C3: variants seen among roughly 807,000 people sequenced by gnomAD.
The protein encoded by C3 is C3 and PZP-like alpha-2-macroglobulin domain-containing protein 1.
In C3, 97 loss-of-function variants were observed where a neutral mutation model predicts 207.9. The ratio of observed to expected loss-of-function variants is 0.47; its 90% confidence interval spans 0.40 to 0.55. The LOEUF (loss-of-function observed/expected upper bound fraction) is 0.55, where lower values mean the gene tolerates loss of function less well. Among genes scored for constraint, C3 ranks in the 20% least tolerant of loss-of-function variants. The pLI is 0.00. For synonymous variants in C3, 848 were observed against 857.6 expected, an observed-to-expected ratio of 0.99 and a Z score of 0.20; for missense variants, 1,684 against 2,171.7, an observed-to-expected ratio of 0.78 and a Z score of 4.46.
chr19:6,684,495 G>A, intron 32 of C3, 56 bp from the exon 33 acceptor site: 4 of 1,579,442 alleles, frequency 2.5e-6, no homozygotes, highest in Non-Finnish European at 3.5e-6. Context: ...GTTGATTCAG[G>A]AGCGGGGAAG....
At position 6,707,286 on chromosome 19, in the gene C3, G is replaced by C; in HGVS notation, c.2048-13C>G. On this transcript the variant is annotated splice_polypyrimidine_tract_variant and intron_variant, in intron 16 of 40. Coordinates refer to ENST00000245907, the MANE Select transcript of C3 (RefSeq NM_000064.4). ...GGGTACTTGCCGACTGCGGGAGCAC[G>C]TGTTCCCCCAGGCCACACCCTCAGC... 3.2e-6 allele frequency: 5 copies of C among 1,581,856 alleles called. No homozygotes were observed. Among genetic ancestry groups the C allele is most frequent in the Non-Finnish European group, 4.3e-6 (5 of 1,175,474 alleles).
chr19:6,689,356 C>CTCTCTCT (rs1918107969), intron 27 of C3, among the ~76,000 whole-genome samples: 1 of 47,176 alleles, frequency 2.1e-5, no homozygotes, highest in African/African-American at 1.2e-4. Flanking sequence ...TCCCTCCCTC[C>CTCTCTCT]CTCCCTCTCT....
chr19:6,695,533 G>A (rs1967512833), intron 23 of C3, among the ~76,000 whole-genome samples: 1 of 152,096 alleles, frequency 6.6e-6, no homozygotes, highest in Non-Finnish European at 1.5e-5. Flanking sequence ...AGGCTGGAGT[G>A]CAGTGGCCTG....
At position 6,714,309 on chromosome 19, in the gene C3, G is replaced by A. The variant is rs1377049056; in HGVS notation, c.599+43C>T. The A allele has an allele frequency of 6.8e-6, 11 of 1,607,344 alleles. No homozygotes were observed. In the African/African-American group the frequency reaches 1.5e-4, roughly 21 times the overall value. ...CGGAGCCCCCCTGCTCCCTCTCCGG[G>A]GATAGGGGAGCCCTGAGCCCCCTCC... On this transcript the variant is annotated intron_variant, in intron 5 of 40. Coordinates refer to ENST00000245907, the MANE Select transcript of C3 (RefSeq NM_000064.4).
chr19:6,686,335 T>A (rs377163102), intron 28 of C3, 48 bp from the exon 29 acceptor site: 35 of 1,603,678 alleles, frequency 2.2e-5, no homozygotes, highest in African/African-American at 4.0e-5. Context: ...CTGTCCAGCC[T>A]GGGGATGGCT....
chr19:6,697,785 A>T lies in C3; in HGVS notation c.2450T>A (p.Val817Glu), dbSNP rs886054653. 6.2e-7 allele frequency: 1 copy of T among 1,613,054 alleles called. No individual in the cohort carries two copies. Among genetic ancestry groups the T allele is most frequent in the African/African-American group, 1.3e-5 (1 of 74,862 alleles). Residue 817 changes from valine to glutamate, a missense_variant, in exon 20 of 41, where the codon GTG (valine) becomes GAG (glutamate). Physicochemically the swap from Val to Glu is moderately radical, Grantham distance 121. Around this residue, in one of 3 missense-constraint regions of C3, gnomAD observed 1,280 missense variants for 1,739.1 expected, o/e 0.74. Transcript: ENST00000245907. ...TACTGTGACCTCGAAGGGGTCTGCC[A>T]CACAGATCCCTGCTCGGGCAGAGAC... is the stretch of plus-strand genomic sequence containing the variant. ...VSMSDKKGIC[V>E]ADPFEVTVMQ...
In C3 at chr19:6,707,265, A is replaced by T; in HGVS notation, c.2056T>A (p.Tyr686Asn). The change falls in exon 17 of 41, where the codon TAC (tyrosine) becomes AAC (asparagine). Residue 686 changes from tyrosine to asparagine, a missense_variant. This residue lies in a region of C3 where 1,280 missense variants were observed against 1,739.1 expected (regional missense o/e 0.74). Transcript: ENST00000245907. ...CAGCACTTGCGCAGCTCCTTGGGGT[A>T]CTTGCCGACTGCGGGAGCACGTGTT... ...TEKRMDKVGKYPKELRKCCED... is the reference protein window; with the variant it reads ...TEKRMDKVGKNPKELRKCCED... The T allele has an allele frequency of 6.2e-7, 1 of 1,609,350 alleles. No homozygotes were observed. The highest frequency in any genetic ancestry group is 8.5e-7 in the Non-Finnish European group (1 of 1,178,184).
chr19:6,717,588 T>A, intron 4 of C3: 1 of 252,690 alleles, frequency 4.0e-6, no homozygotes, highest in Non-Finnish European at 7.9e-6. Flanking sequence ...GTGTTGTGTG[T>A]GTTGTGTGTT....
In C3 at chr19:6,719,337, G is replaced by A. The variant is rs902858362; in HGVS notation, c.141C>T (p.His47=). The change falls in exon 2 of 41, where the codon CAC becomes CAT. Residue 47 remains histidine, a synonymous_variant. Transcript: ENST00000245907. This position sits in a 1 kb window ranked among gnomAD's most constrained non-coding sequence, Gnocchi z 5.4. ...TGACTGGAACATCCCCTTGCGCGTCGTGGGCCTCCAGCACCATGGTCTCCT... is the reference window on the plus strand; with the variant it reads ...TGACTGGAACATCCCCTTGCGCGTCATGGGCCTCCAGCACCATGGTCTCCT... ...ESEETMVLEA[H]DAQGDVPVTV... 13 of 1,613,910 alleles carry A rather than the reference G, an allele frequency of 8.1e-6. No individual in the cohort carries two copies. Among genetic ancestry groups the A allele is most frequent in the African/African-American group, 6.7e-5 (5 of 74,866 alleles).
In C3 at chr19:6,682,143, T is replaced by A; in HGVS notation, c.4259A>T (p.Gln1420Leu). Residue 1420 changes from glutamine (Q) to leucine (L), a missense_variant and splice_region_variant, in exon 34 of 41, where the codon CAG becomes CTG. Transcript: ENST00000245907. The stretch of plus-strand genomic sequence containing the variant: ...TCCCAGCTCCTGAGCCCTTCATACC[T>A]GCTTCAGGTCATCTGTGTCTGGAGC... Reference protein sequence around the residue: ...GFAPDTDDLKQLANGVDRYIS... With the variant: ...GFAPDTDDLKLLANGVDRYIS... The A allele has an allele frequency of 1.2e-6, 2 of 1,613,638 alleles. No homozygotes were observed. The highest frequency in any genetic ancestry group is 1.7e-6 in the Non-Finnish European group (2 of 1,179,490).
intron 27 of C3, among the ~76,000 whole-genome samples, chr19:6,689,334 TCCCTCCCTCCCTCCCTCCCTCC>T (rs1918100774): frequency 1.1e-4 from 4 of 37,754 alleles, no homozygotes; most frequent in African/African-American, 4.3e-4. Flanking sequence ...CCTACCTCCC[TCCCTCCCTCCCTCCCTCCCTCC>T]CTCCCTCTCT....
At chr19:6,712,051 T>C (rs1216648091) in intron 11 of C3, among the ~76,000 whole-genome samples, 1 of 151,702 alleles carries the variant, frequency 6.6e-6, no homozygotes, top group Admixed American at 6.6e-5. Flanking sequence ...TCTATGCAAA[T>C]GGCAGGACCC....
Position 6,707,809 on chromosome 19 carries a change from G to C in C3, c.1966C>G (p.Gln656Glu). Reference protein sequence around the residue: ...FTSSSGQQTAQRAELQCPQPA... With the variant: ...FTSSSGQQTAERAELQCPQPA... ...CTGGTGGCGACCTCACCTGCCCTCT[G>C]GGCGGTCTGCTGGCCACTGCTGCTC... The change falls in exon 15 of 41, where the codon CAG becomes GAG. Residue 656 changes from glutamine to glutamate, a missense_variant. By Grantham distance (29) the Gln-to-Glu change is conservative (BLOSUM62 2). This residue lies in a region of C3 where 1,280 missense variants were observed against 1,739.1 expected (regional missense o/e 0.74). Coordinates refer to ENST00000245907, the MANE Select transcript of C3 (RefSeq NM_000064.4). 6.2e-7 allele frequency: 1 copy of C among 1,613,608 alleles called. No homozygotes were observed. The highest frequency in any genetic ancestry group is 8.5e-7 in the Non-Finnish European group (1 of 1,179,986).
chr19:6,685,066 G>A lies in C3; in HGVS notation c.3891C>T (p.Ser1297=), dbSNP rs961200494. 3 of 1,613,962 alleles carry A rather than the reference G, an allele frequency of 1.9e-6. No individual in the cohort carries two copies. The highest frequency in any genetic ancestry group is 3.3e-5 in the Admixed American group (2 of 60,000). Reference sequence around the variant, plus strand: ...TGGAGCTGCGGCTGGGCAGTTGGAGGGACACATCAAGGTTCAGTTCCTGGT... The same window carrying A: ...TGGAGCTGCGGCTGGGCAGTTGGAGAGACACATCAAGGTTCAGTTCCTGGT... ...PDHQELNLDV[S]LQLPSRSSKI... Residue 1297 remains serine (S), a synonymous_variant, in exon 30 of 41, where the codon TCC becomes TCT. Transcript: ENST00000245907.
intron 5 of C3, 48 bp from the exon 6 acceptor site, chr19:6,714,296 G>T: frequency 6.2e-7 from 1 of 1,605,724 alleles, no homozygotes; most frequent in East Asian, 2.2e-5. Context: ...GAGCCCCCCT[G>T]CTCCCTCTCC....
At chr19:6,680,314 A>C in intron 35 of C3, 51 bp from the exon 36 acceptor site, 1 of 970,280 alleles carries the variant, frequency 1.0e-6, no homozygotes, top group South Asian at 1.3e-5. Flanking sequence ...GAGGGAGTCC[A>C]GCATTGTCTT....
intron 21 of C3, 31 bp downstream of exon 21, chr19:6,697,313 A>G: frequency 6.5e-7 from 1 of 1,549,122 alleles, no homozygotes; most frequent in Non-Finnish European, 8.9e-7. Flanking sequence ...TCTCTGAAGG[A>G]CAAGGGTTTG....
rs768150354 is a variant in C3 at position 6,709,719 on chromosome 19, C to T, written c.1810G>A (p.Val604Met). ...VLVAVDKGVF[V>M]LNKKNKLTQS... is the part of the protein sequence containing the mutation. Reference sequence around the variant, plus strand: ...GTCAGTTTGTTCTTCTTATTCAGCACGAACACGCCCTTGTCCACGGCCACC... The same window carrying T: ...GTCAGTTTGTTCTTCTTATTCAGCATGAACACGCCCTTGTCCACGGCCACC... The change falls in exon 14 of 41, where the codon GTG (valine) becomes ATG (methionine). Residue 604 changes from valine to methionine, a missense_variant. Physicochemically the swap from Val to Met is conservative, Grantham distance 21. This residue lies in a region of C3 where 1,280 missense variants were observed against 1,739.1 expected (regional missense o/e 0.74). Transcript: ENST00000245907. 24 of 1,613,688 alleles carry T rather than the reference C, an allele frequency of 1.5e-5. No individual in the cohort carries two copies. The South Asian group carries it at 1.8e-4, about 12-fold the overall frequency.
At chr19:6,688,124 G>A (rs143105485) in intron 27 of C3, among the ~76,000 whole-genome samples, 4 of 146,334 alleles carry the variant, frequency 2.7e-5, no homozygotes, top group African/African-American at 7.7e-5. Context: ...GATTACAGGC[G>A]TGAGCCACCG....
Sources: gnomAD v4.1 joint callset for allele counts (sites outside exome capture counted in the v4.1 genomes callset) on GRCh38, gnomAD v4.1.1 for gene constraint, gnomAD v4.1.1 regional missense constraint, Gnocchi (gnomAD v3.1) non-coding constraint, MANE v1.5 for transcripts, NCBI Gene and HGNC (gene_info 2026-07-23, HGNC 2026-07-21) for gene names.